FTCDNL1: variants seen among roughly 807,000 people sequenced by gnomAD.
FTCDNL1 encodes formiminotransferase N-terminal subdomain-containing protein.
In FTCDNL1, 11 loss-of-function variants were observed where a neutral mutation model predicts 5.9. The ratio of observed to expected loss-of-function variants is 1.87; its 90% CI spans 1.18 to 3.10. The LOEUF is 3.10. FTCDNL1 is among the 30% of genes most tolerant of loss of function. The probability of loss-of-function intolerance (pLI) is 0.00; values close to 1 mark genes in which losing one functional copy is unlikely to be tolerated. For missense variants in FTCDNL1, 115 were observed against 65.5 expected (o/e 1.76, Z -2.61); for synonymous variants, 58 against 24.8 (o/e 2.34, Z -3.99).
chr2:199,834,563 C>T lies in FTCDNL1; in HGVS notation c.211+11512G>A, dbSNP rs565586330. 1.5e-3 allele frequency among the ~76,000 whole-genome samples: 234 copies of T among 152,220 alleles called. 2 individuals are homozygous for T. Among genetic ancestry groups the T allele is most frequent in the African/African-American group, 5.2e-3 (216 of 41,534 alleles). Reference sequence around the variant, plus strand: ...TGTCCAGCCTCAGGCCTTGGCTGCCCGGTACTGCCTGTGACTGGCTGGGTT... The same window carrying T: ...TGTCCAGCCTCAGGCCTTGGCTGCCTGGTACTGCCTGTGACTGGCTGGGTT... On this transcript the variant is annotated intron_variant, in intron 3 of 4. Transcript: ENST00000420128.
At chr2:199,713,314 AT>A in the FTCDNL1 span, among the ~76,000 whole-genome samples, 29 of 151,464 alleles carry the variant, frequency 1.9e-4, no homozygotes, top group East Asian at 1.4e-3. Flanking sequence ...CAAATGAAAC[AT>A]TTTTTTTTGA....
chr2:199,803,257 G>C (rs555572596), intron 3 of FTCDNL1, among the ~76,000 whole-genome samples: 1 of 151,666 alleles, frequency 6.6e-6, no homozygotes, highest in Non-Finnish European at 1.5e-5. Flanking sequence ...AGAAGTATTG[G>C]AGAGAGGCCT....
the FTCDNL1 span, among the ~76,000 whole-genome samples, chr2:199,666,209 G>T: frequency 9.2e-5 from 14 of 152,310 alleles, no homozygotes; most frequent in East Asian, 2.7e-3. Flanking sequence ...AATAATTGTG[G>T]TTGCTCCATC....
At chr2:199,833,862 G>T (rs1027361492) in intron 3 of FTCDNL1, among the ~76,000 whole-genome samples, 12 of 152,032 alleles carry the variant, frequency 7.9e-5, no homozygotes, top group African/African-American at 2.9e-4. Flanking sequence ...TTCAGATAAC[G>T]ACCATTTCCA....
chr2:199,754,011 G>A, the FTCDNL1 span, among the ~76,000 whole-genome samples: 59 of 152,148 alleles, frequency 3.9e-4, no homozygotes, highest in African/African-American at 1.4e-3. Flanking sequence ...AAGACTCCCT[G>A]GGCCTTTATC....
chr2:199,849,768 TAA>T (rs2076826701), intron 1 of FTCDNL1, among the ~76,000 whole-genome samples: 1 of 152,222 alleles, frequency 6.6e-6, no homozygotes, highest in Non-Finnish European at 1.5e-5. Context: ...TAAAACATCT[TAA>T]AATAATAAGA....
chr2:199,759,023 T>A (rs1698167760), downstream of FTCDNL1, among the ~76,000 whole-genome samples: 1 of 152,154 alleles, frequency 6.6e-6, no homozygotes. Flanking sequence ...GTAATATTTG[T>A]TTTTAAAAAA....
At chr2:199,789,060 A>C (rs967635232) in intron 3 of FTCDNL1, among the ~76,000 whole-genome samples, 6 of 152,058 alleles carry the variant, frequency 3.9e-5, no homozygotes, top group South Asian at 4.1e-4. Context: ...AATTTTATCC[A>C]ATCTTCAAAT....
At chr2:199,701,961 G>C in the FTCDNL1 span, among the ~76,000 whole-genome samples, 300 of 152,302 alleles carry the variant, frequency 2.0e-3, 6 homozygotes, top group Admixed American at 0.018. Flanking sequence ...CTTGAATCTG[G>C]AGGGTGGAGG....
At chr2:199,715,336 T>C in the FTCDNL1 span, among the ~76,000 whole-genome samples, 1 of 152,138 alleles carries the variant, frequency 6.6e-6, no homozygotes, top group African/African-American at 2.4e-5. Flanking sequence ...CCATGTGTCA[T>C]GGGAGGGACC....
intron 3 of FTCDNL1, among the ~76,000 whole-genome samples, chr2:199,836,372 A>G (rs1315032632): frequency 2.6e-5 from 4 of 151,722 alleles, no homozygotes; most frequent in African/African-American, 7.3e-5. Flanking sequence ...AGGTCTCCCT[A>G]TGTTGCCCAG....
At chr2:199,694,859 A>G in the FTCDNL1 span, among the ~76,000 whole-genome samples, 8 of 152,146 alleles carry the variant, frequency 5.3e-5, no homozygotes, top group Non-Finnish European at 1.2e-4. Flanking sequence ...ATTAAAAAAT[A>G]TTCATTGACT....
the FTCDNL1 span, among the ~76,000 whole-genome samples, chr2:199,740,856 G>A: frequency 1.1e-4 from 17 of 152,134 alleles, no homozygotes; most frequent in African/African-American, 3.1e-4. Flanking sequence ...CACAAATTGA[G>A]CACATGCCCC....
intron 3 of FTCDNL1, among the ~76,000 whole-genome samples, chr2:199,830,356 C>A (rs1238548150): frequency 1.3e-5 from 2 of 152,148 alleles, no homozygotes; most frequent in African/African-American, 4.8e-5. Context: ...CAGTGTGATG[C>A]TGCACTGCCT....
At chr2:199,817,268 C>T in intron 4 of FTCDNL1, among the ~76,000 whole-genome samples, 1 of 152,138 alleles carries the variant, frequency 6.6e-6, no homozygotes, top group Non-Finnish European at 1.5e-5. Context: ...GCTCTTCGCA[C>T]ATATCACAAG....
At chr2:199,832,722 C>T (rs1446639398) in intron 3 of FTCDNL1, among the ~76,000 whole-genome samples, 1 of 152,104 alleles carries the variant, frequency 6.6e-6, no homozygotes, top group Non-Finnish European at 1.5e-5. Flanking sequence ...GCTCCAACTG[C>T]TCTGTACCCC....
At chr2:199,798,727 A>G (rs1700293563) in intron 3 of FTCDNL1, among the ~76,000 whole-genome samples, 1 of 152,178 alleles carries the variant, frequency 6.6e-6, no homozygotes. Flanking sequence ...ACTTGGTGAC[A>G]AGACAACAAT....
chr2:199,795,453 T>C (rs1278021948), intron 3 of FTCDNL1, among the ~76,000 whole-genome samples: 1 of 152,210 alleles, frequency 6.6e-6, no homozygotes, highest in Non-Finnish European at 1.5e-5. Context: ...ACGTCCTCCT[T>C]ATTCTTTATA....
intron 3 of FTCDNL1, among the ~76,000 whole-genome samples, chr2:199,771,963 A>G (rs886599796): frequency 6.6e-6 from 1 of 152,250 alleles, no homozygotes; most frequent in Admixed American, 6.5e-5. Flanking sequence ...TATAAATTAG[A>G]TACAGTGAGA....
Sources: gnomAD v4.1 joint callset for allele counts (sites outside exome capture counted in the v4.1 genomes callset) on GRCh38, gnomAD v4.1.1 for gene constraint, MANE v1.5 for transcripts, NCBI Gene and HGNC (gene_info 2026-07-23, HGNC 2026-07-21) for gene names.